Variants in CBL observed in about 807,000 individuals in gnomAD.
CBL encodes Cbl proto-oncogene.
In CBL, 45 loss-of-function variants were observed where a neutral mutation model predicts 96.9. That is an observed-to-expected ratio of 0.46 (90% CI 0.37 to 0.60). The LOEUF (loss-of-function observed/expected upper bound fraction) is 0.60. Ranked by LOEUF, CBL falls within the 20% of genes least tolerant of loss-of-function variation. CBL has a pLI of 0.00. For missense variants in CBL, 1,024 were observed against 1,143.5 expected (o/e 0.90, Z 1.51); for synonymous variants, 420 against 426.8 (o/e 0.98, Z 0.20).
intron 2 of CBL, among the ~76,000 whole-genome samples, chr11:119,254,493 G>A (rs921887154): frequency 6.6e-6 from 1 of 152,160 alleles, no homozygotes; most frequent in Non-Finnish European, 1.5e-5. Context: ...AACCTGTACA[G>A]CATGTTACTG....
intron 3 of CBL, among the ~76,000 whole-genome samples, chr11:119,272,804 G>A (rs556000851): frequency 8.2e-4 from 124 of 152,028 alleles, no homozygotes; most frequent in Non-Finnish European, 1.6e-3. Context: ...TTATCTTTCT[G>A]TTATTATAGG....
At chr11:119,264,368 T>C (rs1016848195) in intron 2 of CBL, among the ~76,000 whole-genome samples, 1 of 143,614 alleles carries the variant, frequency 7.0e-6, no homozygotes, top group South Asian at 2.1e-4. Context: ...TCCAGTCTTT[T>C]ATTATGATCT....
chr11:119,270,436 ATTTTT>A (rs869150071), intron 2 of CBL, among the ~76,000 whole-genome samples: 15 of 38,654 alleles, frequency 3.9e-4, no homozygotes, highest in African/African-American at 6.8e-4. Context: ...ATATATATAT[ATTTTT>A]TTTTTTTTTT....
intron 13 of CBL, 135 bp from the exon 14 acceptor site, chr11:119,297,249 C>CA: frequency 1.3e-6 from 1 of 792,756 alleles, no homozygotes; most frequent in Admixed American, 1.9e-5. Context: ...AAAACACATA[C>CA]ACCTATAACT....
intron 2 of CBL, among the ~76,000 whole-genome samples, chr11:119,251,689 CAGAG>C (rs1474366811): frequency 6.6e-6 from 1 of 152,148 alleles, no homozygotes; most frequent in Admixed American, 6.5e-5. Context: ...CTAGATGATG[CAGAG>C]AGAGGAATTA....
chr11:119,260,144 T>G (rs1949743292), intron 2 of CBL, among the ~76,000 whole-genome samples: 1 of 152,194 alleles, frequency 6.6e-6, no homozygotes, highest in African/African-American at 2.4e-5. Flanking sequence ...ACTTCCTCTT[T>G]CATGTCCCGT....
intron 9 of CBL, among the ~76,000 whole-genome samples, chr11:119,281,784 A>C (rs891851104): frequency 6.6e-6 from 1 of 152,142 alleles, no homozygotes; most frequent in East Asian, 1.9e-4. Flanking sequence ...GGTGTGAGCC[A>C]CTGCACCTGG....
chr11:119,281,757 A>G (rs1370985732), intron 9 of CBL, among the ~76,000 whole-genome samples: 1 of 151,994 alleles, frequency 6.6e-6, no homozygotes. Context: ...TCGGCCTCCC[A>G]CAGTGCTGGG....
chr11:119,211,563 A>G (rs186916385), intron 1 of CBL, among the ~76,000 whole-genome samples: 64 of 151,330 alleles, frequency 4.2e-4, no homozygotes, highest in South Asian at 1.3e-3. Flanking sequence ...CTGGAGTGCA[A>G]TGGCATCTCA....
chr11:119,246,006 CTCTT>C (rs1436998790), intron 2 of CBL, among the ~76,000 whole-genome samples: 9 of 99,578 alleles, frequency 9.0e-5, no homozygotes, highest in East Asian at 3.1e-4. Context: ...GATGGAATCT[CTCTT>C]TGTCACCAGG....
chr11:119,255,747 T>A (rs1222978338), intron 2 of CBL, among the ~76,000 whole-genome samples: 1 of 152,180 alleles, frequency 6.6e-6, no homozygotes, highest in Admixed American at 6.5e-5. Flanking sequence ...TTAGCAAAAT[T>A]CTATAATATA....
chr11:119,223,597 AT>A (rs994628393), intron 1 of CBL, among the ~76,000 whole-genome samples: 18 of 145,432 alleles, frequency 1.2e-4, no homozygotes, highest in African/African-American at 3.3e-4. Flanking sequence ...GCCCGGCTAA[AT>A]TTTTTTTTAT....
intron 2 of CBL, among the ~76,000 whole-genome samples, chr11:119,239,920 G>A (rs1441654812): frequency 6.6e-6 from 1 of 152,006 alleles, no homozygotes; most frequent in Non-Finnish European, 1.5e-5. Flanking sequence ...AAAGAATCTT[G>A]AAAAGAAAAC....
intron 2 of CBL, among the ~76,000 whole-genome samples, chr11:119,252,884 GAA>G (rs760152540): frequency 1.5e-4 from 10 of 68,566 alleles, no homozygotes; most frequent in South Asian, 1.4e-3. Context: ...TCCATCTCAA[GAA>G]AAAAAAAAAA....
chr11:119,271,620 C>G (rs2135296869), intron 2 of CBL, 115 bp from the exon 3 acceptor site: 1 of 910,694 alleles, frequency 1.1e-6, no homozygotes, highest in African/African-American at 1.7e-5. Context: ...TGAAGAGGTT[C>G]TTTCTAAATG....
intron 2 of CBL, among the ~76,000 whole-genome samples, chr11:119,266,246 T>C (rs969521674): frequency 6.6e-6 from 1 of 152,094 alleles, no homozygotes; most frequent in Non-Finnish European, 1.5e-5. Context: ...AAGTACCTTA[T>C]GAGCAAGAGT....
chr11:119,254,811 A>C (rs1261690290), intron 2 of CBL, among the ~76,000 whole-genome samples: 3 of 152,130 alleles, frequency 2.0e-5, no homozygotes, highest in African/African-American at 7.2e-5. Context: ...CATGTTGGCC[A>C]GGCTGGTCTG....
At chr11:119,275,097 T>G in intron 5 of CBL, 144 bp downstream of exon 5, 1 of 841,460 alleles carries the variant, frequency 1.2e-6, no homozygotes, top group East Asian at 2.6e-5. Flanking sequence ...TCAGACGTAT[T>G]GACTTAATTC....
At chr11:119,245,956 C>CTTTTTTTTTTTTTTTTTTTTTTTTTT (rs71048054) in intron 2 of CBL, among the ~76,000 whole-genome samples, 1 of 54,284 alleles carries the variant, frequency 1.8e-5, no homozygotes, top group Non-Finnish European at 3.3e-5. Context: ...CTTTGCAAAT[C>CTTTTTTTTTTTTTTTTTTTTTTTTTT]TTTTTTTTTT....
Sources: gnomAD v4.1 joint callset for allele counts (sites outside exome capture counted in the v4.1 genomes callset) on GRCh38, gnomAD v4.1.1 for gene constraint, MANE v1.5 for transcripts, NCBI Gene and HGNC (gene_info 2026-07-23, HGNC 2026-07-21) for gene names.